HS6ST1: variants seen among roughly 807,000 people sequenced by gnomAD.
The protein encoded by HS6ST1 is heparan-sulfate 6-O-sulfotransferase 1.
HS6ST1 carries 3 observed loss-of-function variants against 25.2 expected under a neutral mutation model. The observed-to-expected ratio is 0.12, with a 90% CI of 0.05 to 0.31. The LOEUF (loss-of-function observed/expected upper bound fraction) is 0.31. HS6ST1 is among the 10% of genes least tolerant of loss of function. HS6ST1 has a pLI of 1.00. For missense variants in HS6ST1, 310 were observed against 609.6 expected, an observed-to-expected ratio of 0.51 and a Z score of 5.18; for synonymous variants, 204 against 275.1, an observed-to-expected ratio of 0.74 and a Z score of 2.56.
At chr2:128,316,342 G>A (rs569188844) in intron 1 of HS6ST1, among the ~76,000 whole-genome samples, 3 of 152,350 alleles carry the variant, frequency 2.0e-5, no homozygotes, top group East Asian at 1.9e-4. Context: ...TTAGGCTGCC[G>A]AGCTAAGTCC....
intron 1 of HS6ST1, among the ~76,000 whole-genome samples, chr2:128,270,186 C>A (rs548123703): frequency 1.3e-3 from 204 of 152,332 alleles, no homozygotes; most frequent in African/African-American, 4.4e-3. Flanking sequence ...CAGCTGTCAT[C>A]CGCCCAGTGT....
intron 1 of HS6ST1, among the ~76,000 whole-genome samples, chr2:128,302,661 G>A (rs2104931763): frequency 6.6e-6 from 1 of 152,224 alleles, no homozygotes. Context: ...CCCTCAAGCT[G>A]CACTTGGGAT....
intron 1 of HS6ST1, among the ~76,000 whole-genome samples, chr2:128,291,708 A>C (rs949469139): frequency 5.3e-5 from 8 of 152,188 alleles, no homozygotes; most frequent in Non-Finnish European, 1.0e-4. Flanking sequence ...TTGTTGCCTC[A>C]TACCAGTCCT....
chr2:128,297,267 C>T (rs1290883491), intron 1 of HS6ST1, among the ~76,000 whole-genome samples: 1 of 152,150 alleles, frequency 6.6e-6, no homozygotes, highest in African/African-American at 2.4e-5. Context: ...CAAGACCATT[C>T]AATGGGGAAA....
chr2:128,304,616 C>A (rs1694181143), intron 1 of HS6ST1, among the ~76,000 whole-genome samples: 2 of 152,268 alleles, frequency 1.3e-5, no homozygotes, highest in African/African-American at 4.8e-5. Flanking sequence ...CTCGGGAGAG[C>A]CCAGCACTGC....
In HS6ST1 at chr2:128,318,724, G is replaced by C. The variant is rs1174217186; in HGVS notation, c.-161C>G. On this transcript the variant is annotated 5_prime_UTR_variant, in exon 1 of 2. Transcript: ENST00000259241. The surrounding 1 kb of genome is among the most constrained non-coding windows in gnomAD (Gnocchi z 5.7). ...GGGCCCCGACCCTCCGCGGTGCCAT[G>C]GCTGCTCCCCGCCCGGCCCCGGCTC... The C allele has an allele frequency of 6.8e-6, 1 of 147,994 alleles. No homozygotes were observed. Among genetic ancestry groups the C allele is most frequent in the East Asian group, 2.0e-4 (1 of 5,036 alleles). The allele number at this position is 147,994 out of a possible 1,614,324, so 9.2% of individuals were successfully genotyped here. A position where few individuals can be genotyped will look rare whatever the true frequency, so the allele number is the denominator to read the frequency against.
chr2:128,288,480 A>T (rs1693900282), intron 1 of HS6ST1, among the ~76,000 whole-genome samples: 1 of 152,148 alleles, frequency 6.6e-6, no homozygotes, highest in Non-Finnish European at 1.5e-5. Context: ...ACAGAAGCTC[A>T]TATCTGTGTG....
intron 1 of HS6ST1, among the ~76,000 whole-genome samples, chr2:128,302,640 C>A (rs2104931748): frequency 6.6e-6 from 1 of 152,284 alleles, no homozygotes; most frequent in East Asian, 1.9e-4. Flanking sequence ...GCTGGCTCCC[C>A]TCCCCTCACT....
chr2:128,306,304 G>A lies in HS6ST1; in HGVS notation c.527+11733C>T, dbSNP rs541611012. ...TGGTCGGGCTGGAGGACGTGGCCGC[G>A]CCGCTGCGAAGATTTCTCTGCCAGG... is the stretch of plus-strand genomic sequence containing the variant. On this transcript the variant is annotated intron_variant, in intron 1 of 1. Coordinates refer to ENST00000259241, the MANE Select transcript of HS6ST1 (RefSeq NM_004807.3). Among the ~76,000 whole-genome samples the A allele has an allele frequency of 3.9e-5, 6 of 152,238 alleles. No homozygotes were observed. In the South Asian group the frequency reaches 1.0e-3, roughly 26 times the overall value.
chr2:128,283,353 ATC>A (rs1308161076), intron 1 of HS6ST1, among the ~76,000 whole-genome samples: 2 of 152,212 alleles, frequency 1.3e-5, no homozygotes, highest in African/African-American at 4.8e-5. Context: ...CAGTGCTCAC[ATC>A]TCTGTCTTCC....
intron 1 of HS6ST1, among the ~76,000 whole-genome samples, chr2:128,294,555 ACACTCC>A: frequency 6.6e-6 from 1 of 152,232 alleles, no homozygotes; most frequent in Non-Finnish European, 1.5e-5. Flanking sequence ...AGACGCTGTC[ACACTCC>A]CACCTGGGAG....
chr2:128,311,603 CAT>C (rs1277326468), intron 1 of HS6ST1, among the ~76,000 whole-genome samples: 1 of 152,196 alleles, frequency 6.6e-6, no homozygotes, highest in African/African-American at 2.4e-5. Flanking sequence ...CACAGTCTTT[CAT>C]AGAGGGGGTA....
chr2:128,312,145 C>T (rs1397572117), intron 1 of HS6ST1, among the ~76,000 whole-genome samples: 1 of 152,238 alleles, frequency 6.6e-6, no homozygotes, highest in Non-Finnish European at 1.5e-5. Flanking sequence ...TCTGGCTGGT[C>T]TGGGCCAGCG....
At chr2:128,291,783 C>G (rs1693955702) in intron 1 of HS6ST1, among the ~76,000 whole-genome samples, 1 of 152,244 alleles carries the variant, frequency 6.6e-6, no homozygotes, top group African/African-American at 2.4e-5. Flanking sequence ...CTCACGGAGG[C>G]AACCCAGCAA....
intron 1 of HS6ST1, among the ~76,000 whole-genome samples, chr2:128,285,095 T>C (rs1693840751): frequency 6.6e-6 from 1 of 152,098 alleles, no homozygotes; most frequent in Admixed American, 6.5e-5. Flanking sequence ...GCTGATGGAG[T>C]GCCTACTGCG....
At chr2:128,269,822 C>T (rs1021584930) in intron 1 of HS6ST1, among the ~76,000 whole-genome samples, 3 of 152,212 alleles carry the variant, frequency 2.0e-5, no homozygotes, top group South Asian at 4.1e-4. Context: ...CCTGACCCCC[C>T]GCCAGGATTC....
intron 1 of HS6ST1, among the ~76,000 whole-genome samples, chr2:128,301,559 G>A (rs1225560751): frequency 6.6e-6 from 1 of 152,156 alleles, no homozygotes; most frequent in Non-Finnish European, 1.5e-5. Context: ...ATCCCCAAGT[G>A]CCAACCACTT....
intron 1 of HS6ST1, 146 bp downstream of exon 1, chr2:128,317,891 A>C: frequency 1.1e-6 from 1 of 938,514 alleles, no homozygotes; most frequent in Non-Finnish European, 1.4e-6. Flanking sequence ...GGCGCTCGGC[A>C]GGTCGGGAGG....
At chr2:128,297,282 A>T (rs1213624708) in intron 1 of HS6ST1, among the ~76,000 whole-genome samples, 1 of 152,096 alleles carries the variant, frequency 6.6e-6, no homozygotes, top group Non-Finnish European at 1.5e-5. Context: ...GGGAAAACAC[A>T]CTCTTTTCAA....
Sources: gnomAD v4.1 joint callset for allele counts (sites outside exome capture counted in the v4.1 genomes callset) on GRCh38, gnomAD v4.1.1 for gene constraint, Gnocchi (gnomAD v3.1) non-coding constraint, MANE v1.5 for transcripts, NCBI Gene and HGNC (gene_info 2026-07-23, HGNC 2026-07-21) for gene names.